ADGRL2: variants seen among roughly 807,000 people sequenced by gnomAD.
ADGRL2 encodes the protein adhesion G protein-coupled receptor L2, also known as calcium-independent alpha-latrotoxin receptor 2.
ADGRL2 carries 44 observed loss-of-function variants against 157.4 expected under a neutral mutation model. That is an observed-to-expected ratio of 0.28 (90% CI 0.22 to 0.36). The LOEUF (loss-of-function observed/expected upper bound fraction) is 0.36, where lower values mean the gene tolerates loss of function less well. Ranked by LOEUF, ADGRL2 falls within the 10% of genes least tolerant of loss-of-function variation. The probability of loss-of-function intolerance (pLI) is 1.00; values close to 1 mark genes in which losing one functional copy is unlikely to be tolerated. For missense variants in ADGRL2, 1,510 were observed against 1,768.9 expected, an observed-to-expected ratio of 0.85 and a Z score of 2.63; for synonymous variants, 585 against 624.7, an observed-to-expected ratio of 0.94 and a Z score of 0.95.
intron 2 of ADGRL2, among the ~76,000 whole-genome samples, chr1:81,555,676 TTGTGGAGGTTAAGTAGTCAATGATCACTC>T (rs2080258298): frequency 6.6e-6 from 1 of 152,110 alleles, no homozygotes; most frequent in Non-Finnish European, 1.5e-5. Flanking sequence ...CACATGCTCT[TTGTGGAGGTTAAGTAGTCAATGATCACTC>T]TGCAGCCCCT....
intron 1 of ADGRL2, among the ~76,000 whole-genome samples, chr1:81,819,023 A>C (rs1217266037): frequency 6.6e-6 from 1 of 152,146 alleles, no homozygotes; most frequent in South Asian, 2.1e-4. Flanking sequence ...ATGATTATGA[A>C]CAGCCTGCTC....
chr1:81,498,563 T>C (rs1469989361), intron 2 of ADGRL2, among the ~76,000 whole-genome samples: 3 of 152,130 alleles, frequency 2.0e-5, no homozygotes, highest in African/African-American at 7.2e-5. Flanking sequence ...AACATCTGAG[T>C]ATAATTGCAG....
rs116140967 is a variant in ADGRL2, at chr1:81,907,817, T to C, written c.287+587T>C. 1.1e-3 allele frequency among the ~76,000 whole-genome samples: 174 copies of C among 152,312 alleles called. 1 individual carries two copies. Among genetic ancestry groups the C allele is most frequent in the African/African-American group, 4.0e-3 (167 of 41,550 alleles). On this transcript the variant is annotated intron_variant, in intron 3 of 23. Coordinates refer to ENST00000686636, the MANE Select transcript of ADGRL2 (RefSeq NM_001366006.2). ...ATCACCCAAAGTCCATAGTTTACAA[T>C]AGGATTGGCTTTTGGCGTTGTACAT...
intron 2 of ADGRL2, among the ~76,000 whole-genome samples, chr1:81,862,875 T>G (rs894158820): frequency 9.2e-5 from 14 of 152,074 alleles, no homozygotes; most frequent in African/African-American, 3.4e-4. Context: ...AAGAAAAGCT[T>G]TTTCAAAACC....
chr1:81,764,158 C>G lies in ADGRL2; in HGVS notation c.-101+2306C>G, dbSNP rs544033098. Among the ~76,000 whole-genome samples, 11 of 144,506 alleles carry G rather than the reference C, an allele frequency of 7.6e-5. No individual in the cohort carries two copies. In the South Asian group the frequency reaches 2.4e-3, roughly 31 times the overall value. The allele number at this position is 144,506 out of a possible 152,430, so 94.8% of individuals were successfully genotyped here. The stretch of plus-strand genomic sequence containing the variant: ...AGTGAGCTGAGATTGCACCACTGCA[C>G]TCCAGCTTGGGTGACAGAGCGAGAC... On this transcript the variant is annotated intron_variant, in intron 2 of 20. Coordinates refer to the ADGRL2 transcript ENST00000359929.
Position 81,438,039 on chromosome 1 carries a change from GAAA to G in ADGRL2, c.-301-6985_-301-6983del, listed in dbSNP as rs36104208. Among the ~76,000 whole-genome samples the G allele has an allele frequency of 8.7e-3, 1,255 of 144,114 alleles. 21 individuals carry two copies. Among genetic ancestry groups the G allele is most frequent in the East Asian group, 0.043 (204 of 4,736 alleles). The allele number at this position is 144,114 out of a possible 152,430, so 94.5% of individuals were successfully genotyped here. On this transcript the variant is annotated intron_variant, in intron 1 of 24. Coordinates refer to the ADGRL2 transcript ENST00000370721. ...TCTCTTTATTTTCAGCCTGTTTGGG[GAAA>G]AAAAAAAAAAAGCTGTATCCATTCC... is the stretch of plus-strand genomic sequence containing the variant.
chr1:81,344,934 T>A (rs898376392), intron 1 of ADGRL2, among the ~76,000 whole-genome samples: 1 of 152,216 alleles, frequency 6.6e-6, no homozygotes, highest in African/African-American at 2.4e-5. Context: ...TCATCAATAA[T>A]AAATTCATTC....
chr1:81,953,984 T>A (rs945008838), intron 10 of ADGRL2, among the ~76,000 whole-genome samples: 19 of 152,150 alleles, frequency 1.2e-4, no homozygotes, highest in Admixed American at 1.2e-3. Context: ...TGGACATTGT[T>A]GAACTTGAGA....
At position 81,556,888 on chromosome 1, in the gene ADGRL2, C is replaced by A. The variant is rs182619115; in HGVS notation, c.-247-23988C>A. Among the ~76,000 whole-genome samples the A allele has an allele frequency of 2.1e-3, 316 of 151,772 alleles. 2 individuals carry two copies. The highest frequency in any genetic ancestry group is 7.2e-3 in the African/African-American group (300 of 41,400). Reference sequence around the variant, plus strand: ...GTCAGGAGTTTGAGACCAGCCTGACCGACATGGTGAAACCCCATCTCTACT... The same window carrying A: ...GTCAGGAGTTTGAGACCAGCCTGACAGACATGGTGAAACCCCATCTCTACT... On this transcript the variant is annotated intron_variant, in intron 2 of 24. Coordinates refer to the ADGRL2 transcript ENST00000370721.
At position 81,670,361 on chromosome 1, in the gene ADGRL2, G is replaced by C. The variant is rs72939276; in HGVS notation, c.-143+89381G>C. ...CCTTGAGGACAAATTTCCAATTCTA[G>C]ACTGTATTCTGCTCTCAATCTGATT... is the stretch of plus-strand genomic sequence containing the variant. On this transcript the variant is annotated intron_variant, in intron 3 of 24. Transcript: ENST00000370721. Among the ~76,000 whole-genome samples the C allele has an allele frequency of 7.1e-3, 1,081 of 152,266 alleles. 13 individuals are homozygous for C. The highest frequency in any genetic ancestry group is 0.025 in the African/African-American group (1,030 of 41,552).
intron 1 of ADGRL2, among the ~76,000 whole-genome samples, chr1:81,708,655 T>C (rs187416166): frequency 2.8e-4 from 42 of 151,088 alleles, no homozygotes; most frequent in South Asian, 4.2e-4. Context: ...TATATATATA[T>C]ACACACACAC....
chr1:81,805,593 C>CT (rs576079287), intron 1 of ADGRL2, among the ~76,000 whole-genome samples: 24 of 149,122 alleles, frequency 1.6e-4, no homozygotes, highest in Admixed American at 3.3e-4. Flanking sequence ...TCGGATGATC[C>CT]TTTTTTTTTG....
intron 23 of ADGRL2, among the ~76,000 whole-genome samples, chr1:81,989,416 CTG>C (rs2149529726): frequency 1.3e-5 from 2 of 152,306 alleles, no homozygotes; most frequent in South Asian, 4.1e-4. Context: ...GGTGCTGTCA[CTG>C]TGACTGATGC....
chr1:81,454,995 G>T (rs1181064184), intron 2 of ADGRL2, among the ~76,000 whole-genome samples: 2 of 152,198 alleles, frequency 1.3e-5, no homozygotes, highest in African/African-American at 2.4e-5. Flanking sequence ...CAAGCCCAAA[G>T]ATCCGTTAGA....
intron 1 of ADGRL2, chr1:81,722,211 T>A (rs1227122567): frequency 2.7e-6 from 1 of 375,202 alleles, no homozygotes; most frequent in Non-Finnish European, 5.1e-6. Context: ...GAGAATGGCA[T>A]GAACCCGGGA....
At chr1:81,391,281 A>G (rs996646068) in intron 1 of ADGRL2, among the ~76,000 whole-genome samples, 10 of 152,410 alleles carry the variant, frequency 6.6e-5, no homozygotes, top group Non-Finnish European at 1.2e-4. Flanking sequence ...CAGAAGGCCT[A>G]GAGACTGCCG....
At chr1:81,452,144 C>T (rs890388034) in intron 2 of ADGRL2, among the ~76,000 whole-genome samples, 5 of 151,570 alleles carry the variant, frequency 3.3e-5, no homozygotes, top group South Asian at 2.1e-4. Flanking sequence ...GAAAACCTAA[C>T]TTTCTCCTTG....
At chr1:81,617,135 A>G (rs1024461659) in intron 3 of ADGRL2, among the ~76,000 whole-genome samples, 3 of 152,248 alleles carry the variant, frequency 2.0e-5, no homozygotes, top group Non-Finnish European at 2.9e-5. Flanking sequence ...ACCTGGTTGC[A>G]TGGCAGGAGG....
Position 81,936,853 on chromosome 1 carries a change from A to G in ADGRL2, c.397+16A>G, listed in dbSNP as rs562830533. The G allele has an allele frequency of 6.8e-7, 1 of 1,473,118 alleles. No individual in the cohort carries two copies. The highest frequency in any genetic ancestry group is 1.1e-5 in the South Asian group (1 of 88,064). 91.3% of individuals were successfully genotyped at this position (1,473,118 alleles called of 1,614,324 possible). A position where few individuals can be genotyped will look rare whatever the true frequency, so the allele number is the denominator to read the frequency against. On this transcript the variant is annotated intron_variant, in intron 4 of 23. Coordinates refer to ENST00000686636, the MANE Select transcript of ADGRL2 (RefSeq NM_001366006.2). ...GTCCCTTACAGTAAGTATGCAGTTT[A>G]TATTTTTTTACACTTTGCCCAGCAT...
Sources: gnomAD v4.1 joint callset for allele counts (sites outside exome capture counted in the v4.1 genomes callset) on GRCh38, gnomAD v4.1.1 for gene constraint, MANE v1.5 for transcripts, NCBI Gene and HGNC (gene_info 2026-07-23, HGNC 2026-07-21) for gene names.